RARB: variants seen among roughly 807,000 people sequenced by gnomAD.
RARB encodes the protein retinoic acid receptor beta.
In RARB, 17 loss-of-function variants were observed where a neutral mutation model predicts 51.9. That is an observed-to-expected ratio of 0.33 (90% CI 0.22 to 0.49). The LOEUF (loss-of-function observed/expected upper bound fraction) is 0.49. Among genes scored for constraint, RARB ranks in the 20% least tolerant of loss-of-function variants. The pLI is 0.99. For missense variants in RARB, 369 were observed against 550.8 expected (o/e 0.67, Z 3.30); for synonymous variants, 215 against 195.4 (o/e 1.10, Z -0.84).
intron 3 of RARB, among the ~76,000 whole-genome samples, chr3:25,556,350 C>A (rs144158676): frequency 6.6e-6 from 1 of 152,268 alleles, no homozygotes; most frequent in East Asian, 1.9e-4. Flanking sequence ...GACCTGGGAG[C>A]TTTGGCTTAT....
intron 5 of RARB, among the ~76,000 whole-genome samples, chr3:25,405,119 T>C (rs901743535): frequency 6.6e-6 from 1 of 152,220 alleles, no homozygotes; most frequent in Non-Finnish European, 1.5e-5. Context: ...AAGCTATTTT[T>C]TAACCGTCTC....
chr3:25,075,367 T>G (rs6775433), intron 3 of RARB, among the ~76,000 whole-genome samples: 135,177 of 152,134 alleles, frequency 0.89, 60,368 homozygotes, highest in African/African-American at 0.97. Flanking sequence ...CAGCATTATG[T>G]TTACAGCCCA....
chr3:25,135,154 G>T (rs918833338), intron 4 of RARB, among the ~76,000 whole-genome samples: 2 of 151,104 alleles, frequency 1.3e-5, no homozygotes, highest in African/African-American at 4.9e-5. Context: ...GGTAGAAATT[G>T]TTTCGATCCA....
chr3:25,423,897 G>T (rs1255452250), upstream of RARB, among the ~76,000 whole-genome samples: 2 of 152,214 alleles, frequency 1.3e-5, no homozygotes, highest in Non-Finnish European at 2.9e-5. Flanking sequence ...TTCAGCAGGG[G>T]TTGTATTTAA....
At chr3:25,302,350 T>G (rs189911502) in intron 5 of RARB, among the ~76,000 whole-genome samples, 34 of 152,340 alleles carry the variant, frequency 2.2e-4, no homozygotes, top group African/African-American at 7.7e-4. Flanking sequence ...TATTCATGAT[T>G]GTAAATAACC....
At chr3:25,203,597 T>C (rs1340935437) in intron 5 of RARB, among the ~76,000 whole-genome samples, 3 of 152,218 alleles carry the variant, frequency 2.0e-5, no homozygotes, top group Non-Finnish European at 4.4e-5. Context: ...GTTTAGTGCT[T>C]CCTTCAGGAG....
At chr3:24,971,570 T>G (rs1224791081) in intron 2 of RARB, among the ~76,000 whole-genome samples, 1 of 152,060 alleles carries the variant, frequency 6.6e-6, no homozygotes, top group African/African-American at 2.4e-5. Context: ...ATGCCAAAGC[T>G]AAGTTTTTAA....
At chr3:25,292,969 A>G (rs1373777939) in intron 5 of RARB, among the ~76,000 whole-genome samples, 1 of 152,156 alleles carries the variant, frequency 6.6e-6, no homozygotes, top group Admixed American at 6.5e-5. Context: ...TCTCCGCGAG[A>G]GCCAAAAAGA....
At chr3:25,167,195 T>C (rs1273554214) in intron 4 of RARB, among the ~76,000 whole-genome samples, 2 of 152,200 alleles carry the variant, frequency 1.3e-5, no homozygotes, top group Non-Finnish European at 2.9e-5. Flanking sequence ...CCAGTGTAGG[T>C]TTCCCAAACT....
In RARB at chr3:24,913,031, A is replaced by AGT. The variant is rs1213668063; in HGVS notation, c.-380+54281_-380+54282dup. 6.9e-5 allele frequency among the ~76,000 whole-genome samples: 8 copies of AGT among 115,914 alleles called. No individual in the cohort carries two copies. In the East Asian group the frequency reaches 2.2e-3, roughly 32 times the overall value. 76.0% of individuals were successfully genotyped at this position (115,914 alleles called of 152,430 possible). A position where few individuals can be genotyped will look rare whatever the true frequency, so the allele number is the denominator to read the frequency against. ...AGTCTCGCTCTGTCGCTCAGGCTGG[A>AGT]GTGCAGTGGCGCCTTCTCGGCTCAC... is the stretch of plus-strand genomic sequence containing the variant. On this transcript the variant is annotated intron_variant, in intron 2 of 11. Transcript: ENST00000383772.
chr3:25,239,379 A>G (rs1319019298), intron 5 of RARB, among the ~76,000 whole-genome samples: 1 of 152,024 alleles, frequency 6.6e-6, no homozygotes, highest in Non-Finnish European at 1.5e-5. Flanking sequence ...CTTTCCCTAG[A>G]CCAGTGTCTT....
intron 2 of RARB, among the ~76,000 whole-genome samples, chr3:25,005,122 C>T (rs1363399667): frequency 1.3e-5 from 2 of 152,060 alleles, no homozygotes; most frequent in Non-Finnish European, 2.9e-5. Context: ...TGTTTAGTAT[C>T]CAACCACTTC....
intron 2 of RARB, among the ~76,000 whole-genome samples, chr3:24,999,197 A>T (rs1244945271): frequency 6.6e-6 from 1 of 152,198 alleles, no homozygotes. Context: ...CTGAATGTTC[A>T]TCCCATGATA....
intron 3 of RARB, among the ~76,000 whole-genome samples, chr3:25,103,800 A>G (rs1444853235): frequency 6.6e-6 from 1 of 152,184 alleles, no homozygotes; most frequent in Non-Finnish European, 1.5e-5. Context: ...TTGATGGCAG[A>G]TCTTAGGGTT....
chr3:25,347,386 G>A (rs1438072973), intron 5 of RARB, among the ~76,000 whole-genome samples: 1 of 152,114 alleles, frequency 6.6e-6, no homozygotes, highest in South Asian at 2.1e-4. Context: ...CCTGAGCTAT[G>A]GTATATCCCA....
intron 3 of RARB, among the ~76,000 whole-genome samples, chr3:25,104,683 T>A (rs549293836): frequency 6.6e-6 from 1 of 152,254 alleles, no homozygotes; most frequent in East Asian, 1.9e-4. Flanking sequence ...ATACTATTGT[T>A]AATATCCCAA....
At position 24,883,459 on chromosome 3, in the gene RARB, T is replaced by G. The variant is rs57267142; in HGVS notation, c.-380+24707T>G. ...GGTGGTCTATGAAGCAAACAAACTT[T>G]TAAATGCTATAAAGTAAAGGAATCA... On this transcript the variant is annotated intron_variant, in intron 2 of 11. Transcript: ENST00000383772. 0.012 allele frequency among the ~76,000 whole-genome samples: 1,839 copies of G among 151,720 alleles called. 85 individuals are homozygous for G. The East Asian group carries it at 0.17, about 14-fold the overall frequency.
intron 5 of RARB, among the ~76,000 whole-genome samples, chr3:25,189,402 G>A (rs532722839): frequency 9.2e-5 from 14 of 152,252 alleles, no homozygotes; most frequent in Admixed American, 2.0e-4. Flanking sequence ...TGAATCTGAA[G>A]TAATACTCCC....
chr3:25,326,905 C>T (rs574931519), intron 5 of RARB, among the ~76,000 whole-genome samples: 15 of 151,894 alleles, frequency 9.9e-5, no homozygotes, highest in African/African-American at 3.1e-4. Context: ...TTGTTACATA[C>T]GTATACATGT....
Sources: allele counts gnomAD v4.1 joint callset (sites outside exome capture counted in the v4.1 genomes callset), GRCh38; gene constraint gnomAD v4.1.1; transcripts MANE v1.5; gene names NCBI Gene and HGNC (gene_info 2026-07-23, HGNC 2026-07-21).